The following FAM227B variants were observed in gnomAD, a reference collection of about 807,000 sequenced individuals.
FAM227B encodes the protein protein FAM227B.
FAM227B carries 88 observed loss-of-function variants against 73.8 expected under a neutral mutation model. That is an observed-to-expected ratio of 1.19 (90% CI 1.00 to 1.42). The LOEUF (loss-of-function observed/expected upper bound fraction) is 1.42, where lower values mean the gene tolerates loss of function less well. Ranked by LOEUF, FAM227B falls within the 40% of genes most tolerant of loss-of-function variation. The pLI, the probability that FAM227B is intolerant of heterozygous loss-of-function variation, is 0.00. For missense variants in FAM227B, 632 were observed against 590.9 expected, an observed-to-expected ratio of 1.07 and a Z score of -0.72; for synonymous variants, 210 against 190.5, an observed-to-expected ratio of 1.10 and a Z score of -0.84.
intron 1 of FAM227B, among the ~76,000 whole-genome samples, chr15:49,615,579 C>T (rs2078238508): frequency 6.6e-6 from 1 of 152,206 alleles, no homozygotes; most frequent in Non-Finnish European, 1.5e-5. Flanking sequence ...GACGCATCTG[C>T]TTCCCCTTCA....
chr15:49,534,644 A>G (rs2060874600), intron 10 of FAM227B, among the ~76,000 whole-genome samples: 1 of 151,924 alleles, frequency 6.6e-6, no homozygotes, highest in African/African-American at 2.4e-5. Context: ...ACAGCAGTAG[A>G]TCACACATTT....
chr15:49,565,103 GC>G (rs1246006799), intron 9 of FAM227B, among the ~76,000 whole-genome samples: 1 of 151,972 alleles, frequency 6.6e-6, no homozygotes, highest in African/African-American at 2.4e-5. Context: ...ATAATCAGAG[GC>G]CGGGCACAGT....
chr15:49,589,049 T>C (rs934980420), intron 4 of FAM227B, among the ~76,000 whole-genome samples: 1 of 152,066 alleles, frequency 6.6e-6, no homozygotes, highest in Non-Finnish European at 1.5e-5. Context: ...AGAATAATTA[T>C]AAGTATTTAA....
At chr15:49,349,722 A>G (rs1333612979) in intron 13 of FAM227B, among the ~76,000 whole-genome samples, 3 of 152,158 alleles carry the variant, frequency 2.0e-5, no homozygotes, top group East Asian at 3.8e-4. Flanking sequence ...TAGGTTACCA[A>G]TAGTCATTGA....
intron 13 of FAM227B, among the ~76,000 whole-genome samples, chr15:49,359,236 A>C (rs984721256): frequency 7.0e-6 from 1 of 141,974 alleles, no homozygotes; most frequent in African/African-American, 2.6e-5. Flanking sequence ...AAATTGACAA[A>C]TGGGATCTAA....
At chr15:49,414,516 AAAAGT>A (rs1481134379) in intron 11 of FAM227B, among the ~76,000 whole-genome samples, 12 of 152,196 alleles carry the variant, frequency 7.9e-5, no homozygotes, top group African/African-American at 2.9e-4. Flanking sequence ...TTGGAAAAAG[AAAAGT>A]AGAGTTTTAT....
intron 11 of FAM227B, among the ~76,000 whole-genome samples, chr15:49,453,749 A>G (rs374004374): frequency 2.0e-5 from 3 of 152,284 alleles, no homozygotes; most frequent in East Asian, 3.9e-4. Context: ...TGTTACATGT[A>G]TCTAATGGTC....
Position 49,480,619 on chromosome 15 carries a change from T to C in FAM227B, c.1012+27592A>G, listed in dbSNP as rs145777461. Reference sequence around the variant, plus strand: ...GCTTCAGCCTCCTGAGTAGCTGGGATTACAGGCACCCGCCACCACACCCGG... The same window carrying C: ...GCTTCAGCCTCCTGAGTAGCTGGGACTACAGGCACCCGCCACCACACCCGG... On this transcript the variant is annotated intron_variant, in intron 11 of 15. Coordinates refer to ENST00000299338, the MANE Select transcript of FAM227B (RefSeq NM_152647.3). Among the ~76,000 whole-genome samples the C allele has an allele frequency of 9.7e-3, 1,474 of 151,940 alleles. 24 individuals are homozygous for C. Among genetic ancestry groups the C allele is most frequent in the African/African-American group, 0.034 (1,416 of 41,438 alleles).
At position 49,329,761 on chromosome 15, in the gene FAM227B, G is replaced by T. The variant is rs188461311; in HGVS notation, c.1420-1086C>A. 5 of 963,520 alleles carry T rather than the reference G, an allele frequency of 5.2e-6. No homozygotes were observed. In the Admixed American group the frequency reaches 1.9e-4, roughly 36 times the overall value. The allele number at this position is 963,520 out of a possible 1,614,324, so 59.7% of individuals were successfully genotyped here. On this transcript the variant is annotated intron_variant, in intron 15 of 15. Coordinates refer to ENST00000299338, the MANE Select transcript of FAM227B (RefSeq NM_152647.3). The stretch of plus-strand genomic sequence containing the variant: ...TAATACCGTGCCATTTTCCACAAAG[G>T]ATTTGTGGTTGGTATATAATTCTTT...
chr15:49,584,329 AACTCTC>A (rs2076009910), intron 5 of FAM227B, among the ~76,000 whole-genome samples: 7 of 152,208 alleles, frequency 4.6e-5, no homozygotes, highest in Admixed American at 3.3e-4. Flanking sequence ...TCATGTGAAA[AACTCTC>A]ATTAAACTAC....
chr15:49,453,118 AC>A, intron 11 of FAM227B, among the ~76,000 whole-genome samples: 1 of 152,130 alleles, frequency 6.6e-6, no homozygotes, highest in Non-Finnish European at 1.5e-5. Context: ...ATTGAGGTCA[AC>A]AAAAAGTGGT....
At chr15:49,407,427 C>T (rs576670463) in intron 11 of FAM227B, among the ~76,000 whole-genome samples, 1 of 152,050 alleles carries the variant, frequency 6.6e-6, no homozygotes, top group South Asian at 2.1e-4. Flanking sequence ...TGTGACCACA[C>T]TTGGTGCCTT....
intron 10 of FAM227B, among the ~76,000 whole-genome samples, chr15:49,535,845 A>C (rs1170699897): frequency 6.6e-6 from 1 of 151,862 alleles, no homozygotes; most frequent in Non-Finnish European, 1.5e-5. Context: ...CAAAAAAAGC[A>C]TTTGATAAAG....
At position 49,328,094 on chromosome 15, in the gene FAM227B, C is replaced by T. The variant is rs984738916; in HGVS notation, c.*474G>A. On this transcript the variant is annotated 3_prime_UTR_variant, in exon 16 of 16. Transcript: ENST00000299338. The stretch of plus-strand genomic sequence containing the variant: ...CCAGAGGAGTGATGGAAGCTTAGCA[C>T]CGGAGAAGCAAAGTTTGTTTGCTAC... 4.3e-6 allele frequency: 7 copies of T among 1,613,982 alleles called. No individual in the cohort carries two copies. The highest frequency in any genetic ancestry group is 5.9e-6 in the Non-Finnish European group (7 of 1,179,960).
chr15:49,405,470 A>G lies in FAM227B; in HGVS notation c.1013-34071T>C, dbSNP rs184184997. Among the ~76,000 whole-genome samples, 9 of 152,176 alleles carry G rather than the reference A, an allele frequency of 5.9e-5. No homozygotes were observed. In the East Asian group the frequency reaches 1.7e-3, roughly 29 times the overall value. ...TGTTGCTTTTTATTCTTTTTTCTCTATTCTTGTCCAACTGTCTTATTTCAG... is the reference window on the plus strand; with the variant it reads ...TGTTGCTTTTTATTCTTTTTTCTCTGTTCTTGTCCAACTGTCTTATTTCAG... On this transcript the variant is annotated intron_variant, in intron 11 of 15. Transcript: ENST00000299338.
chr15:49,512,188 T>C (rs914211452), intron 10 of FAM227B, among the ~76,000 whole-genome samples: 5 of 152,188 alleles, frequency 3.3e-5, no homozygotes, highest in Non-Finnish European at 7.4e-5. Context: ...TAGTTTCTAA[T>C]GCATTGCATT....
intron 11 of FAM227B, among the ~76,000 whole-genome samples, chr15:49,403,149 A>C (rs891768300): frequency 1.3e-5 from 2 of 152,140 alleles, no homozygotes; most frequent in African/African-American, 4.8e-5. Context: ...ATGGTGGATA[A>C]GCTTTTGGAT....
Position 49,366,467 on chromosome 15 carries a change from C to T in FAM227B, c.1271+981G>A. 3 of 1,036,324 alleles carry T rather than the reference C, an allele frequency of 2.9e-6. No individual in the cohort carries two copies. The South Asian group carries it at 3.8e-5, about 13-fold the overall frequency. 64.2% of individuals were successfully genotyped at this position (1,036,324 alleles called of 1,614,324 possible). ...AACAGGAGGAACATCAGAAAGGTTG[C>T]ATAGTGGTGCGGAAGTCAGATTCAT... On this transcript the variant is annotated intron_variant, in intron 13 of 15. Coordinates refer to ENST00000299338, the MANE Select transcript of FAM227B (RefSeq NM_152647.3).
intron 11 of FAM227B, chr15:49,396,048 C>A (rs1044677928): frequency 4.4e-6 from 2 of 451,786 alleles, no homozygotes; most frequent in South Asian, 1.6e-5. Flanking sequence ...GTGAGCGACG[C>A]AGAAGATGGT....
Sources: allele counts gnomAD v4.1 joint callset (sites outside exome capture counted in the v4.1 genomes callset), GRCh38; gene constraint gnomAD v4.1.1; transcripts MANE v1.5; gene names NCBI Gene and HGNC (gene_info 2026-07-23, HGNC 2026-07-21).